The following TNS3 variants were observed in gnomAD, a reference collection of about 807,000 sequenced individuals.
TNS3 encodes tensin 3.
Under a neutral mutation model 140.9 loss-of-function variants are expected in TNS3, and 45 were observed. The ratio of observed to expected loss-of-function variants is 0.32; its 90% CI spans 0.25 to 0.41. The LOEUF (loss-of-function observed/expected upper bound fraction) is 0.41. Among genes scored for constraint, TNS3 ranks in the 10% least tolerant of loss-of-function variants. TNS3 has a pLI of 1.00. For missense variants in TNS3, 1,716 were observed against 1,906.7 expected, an observed-to-expected ratio of 0.90 and a Z score of 1.86; for synonymous variants, 815 against 788.4, an observed-to-expected ratio of 1.03 and a Z score of -0.56.
intron 5 of TNS3, among the ~76,000 whole-genome samples, chr7:47,440,480 C>T (rs964954016): frequency 3.3e-5 from 5 of 152,156 alleles, no homozygotes; most frequent in Non-Finnish European, 7.4e-5. Flanking sequence ...GAGATGAAGA[C>T]TGTGGAGGAG....
chr7:47,278,431 C>T (rs1483266771), intron 30 of TNS3: 3 of 575,852 alleles, frequency 5.2e-6, no homozygotes, highest in Non-Finnish European at 9.1e-6. Context: ...TCTAGCTCTG[C>T]AGTGAGGACC....
chr7:47,469,973 C>CAAAAAAAAAAAAAAAAAAAAAA lies in TNS3; in HGVS notation c.-76+11108_-76+11129dup, dbSNP rs144012426. On this transcript the variant is annotated intron_variant, in intron 4 of 30. Transcript: ENST00000311160. Reference sequence around the variant, plus strand: ...TGGGCAACAGAATGAAACTCTGTCTCAAAAAAAAAAAAAAAAAAAAAAAAT... The same window carrying CAAAAAAAAAAAAAAAAAAAAAA: ...TGGGCAACAGAATGAAACTCTGTCTCAAAAAAAAAAAAAAAAAAAAAAAAAAAAAAAAAAAAAAAAAAAAAAT... Among the ~76,000 whole-genome samples the CAAAAAAAAAAAAAAAAAAAAAA allele has an allele frequency of 3.1e-5, 2 of 64,904 alleles. 1 individual carries two copies. Among genetic ancestry groups the CAAAAAAAAAAAAAAAAAAAAAA allele is most frequent in the Non-Finnish European group, 5.1e-5 (2 of 39,406 alleles). The allele number at this position is 64,904 out of a possible 152,430, so 42.6% of individuals were successfully genotyped here.
At chr7:47,455,509 G>A (rs531686716) in intron 4 of TNS3, among the ~76,000 whole-genome samples, 12 of 152,262 alleles carry the variant, frequency 7.9e-5, no homozygotes, top group African/African-American at 2.2e-4. Flanking sequence ...GAGCAGCCCT[G>A]CTTCCCTTTC....
At chr7:47,370,266 C>T (rs1182092452) in intron 16 of TNS3, among the ~76,000 whole-genome samples, 2 of 151,348 alleles carry the variant, frequency 1.3e-5, no homozygotes, top group African/African-American at 4.9e-5. Flanking sequence ...GGCAAGAGAG[C>T]AAGACTCCGT....
rs1795229394 is a variant in TNS3 at position 47,437,284 on chromosome 7, G to A, written c.180C>T (p.Asp60=). The A allele has an allele frequency of 6.4e-7, 1 of 1,552,938 alleles. No homozygotes were observed. Among genetic ancestry groups the A allele is most frequent in the Non-Finnish European group, 8.6e-7 (1 of 1,156,882 alleles). The change falls in exon 7 of 31, where the codon GAC becomes GAT. Residue 60 remains aspartate (D), a synonymous_variant. Transcript: ENST00000311160. ...LVLNLSEKRY[D]LTKLNPKIMD... is the part of the protein sequence containing the mutation. ...GTACCTTTGGGTTAAGCTTCGTAAG[G>A]TCATATCTCTTTTCTGAAAGGTTTA...
At chr7:47,444,260 A>G (rs1304836354) in intron 4 of TNS3, among the ~76,000 whole-genome samples, 1 of 152,204 alleles carries the variant, frequency 6.6e-6, no homozygotes, top group Non-Finnish European at 1.5e-5. Context: ...TGTGTCCCAC[A>G]TCTTCACCAG....
chr7:47,540,560 G>C (rs559489743), intron 1 of TNS3, among the ~76,000 whole-genome samples: 1 of 152,148 alleles, frequency 6.6e-6, no homozygotes, highest in South Asian at 2.1e-4. Context: ...CGTGAGCAAC[G>C]TGTGTGCTCG....
At chr7:47,471,635 T>C (rs913669123) in intron 4 of TNS3, among the ~76,000 whole-genome samples, 3 of 152,228 alleles carry the variant, frequency 2.0e-5, no homozygotes, top group Non-Finnish European at 4.4e-5. Flanking sequence ...CACGTTCCAC[T>C]AACATCTTCT....
chr7:47,466,968 G>T (rs751288024), intron 4 of TNS3, among the ~76,000 whole-genome samples: 16 of 152,196 alleles, frequency 1.1e-4, no homozygotes, highest in Non-Finnish European at 1.8e-4. Context: ...ATCCCCCAAA[G>T]GTAACTAGGG....
Position 47,421,803 on chromosome 7 carries a change from A to T in TNS3, c.473+2298T>A, listed in dbSNP as rs200462315. The stretch of plus-strand genomic sequence containing the variant: ...GTCAGCTCCATGGGCCAACTGCTCC[A>T]TGGCGTTTCAGTGTAACAAAGATTG... On this transcript the variant is annotated intron_variant, in intron 10 of 30. Transcript: ENST00000311160. Among the ~76,000 whole-genome samples, 11 of 152,274 alleles carry T rather than the reference A, an allele frequency of 7.2e-5. No homozygotes were observed. In the East Asian group the frequency reaches 1.9e-3, roughly 27 times the overall value.
chr7:47,473,036 C>A (rs1377657879), intron 4 of TNS3, among the ~76,000 whole-genome samples: 27 of 152,168 alleles, frequency 1.8e-4, no homozygotes, highest in Admixed American at 1.8e-3. Context: ...TGAGTGTGAT[C>A]GCCCACGCAG....
chr7:47,355,544 G>A (rs895613027), intron 17 of TNS3, among the ~76,000 whole-genome samples: 3 of 152,174 alleles, frequency 2.0e-5, no homozygotes, highest in African/African-American at 7.2e-5. Flanking sequence ...CCCAGCCTGG[G>A]GGTCAGCACT....
intron 20 of TNS3, among the ~76,000 whole-genome samples, chr7:47,328,540 CAG>C (rs1293439639): frequency 6.6e-5 from 10 of 151,938 alleles, no homozygotes; most frequent in Non-Finnish European, 1.0e-4. Flanking sequence ...ACACTCACAG[CAG>C]AGAGAGGCTT....
intron 4 of TNS3, among the ~76,000 whole-genome samples, chr7:47,456,750 G>A (rs966661694): frequency 7.2e-5 from 11 of 151,958 alleles, no homozygotes; most frequent in Admixed American, 2.0e-4. Context: ...CACAGCCCAC[G>A]AGACATTCGC....
intron 16 of TNS3, among the ~76,000 whole-genome samples, chr7:47,387,558 A>C (rs1445208355): frequency 6.6e-6 from 1 of 152,224 alleles, no homozygotes; most frequent in Admixed American, 6.5e-5. Flanking sequence ...CAAAGGACCC[A>C]AGTCAAAGAG....
At chr7:47,313,950 C>A (rs1340630732) in intron 20 of TNS3, among the ~76,000 whole-genome samples, 2 of 152,158 alleles carry the variant, frequency 1.3e-5, no homozygotes, top group East Asian at 3.9e-4. Context: ...AGGACTTAAC[C>A]CTTTATTTGG....
chr7:47,533,540 C>T (rs758757033), intron 1 of TNS3, among the ~76,000 whole-genome samples: 5 of 151,114 alleles, frequency 3.3e-5, no homozygotes, highest in Non-Finnish European at 5.9e-5. Flanking sequence ...GATCAAAGAA[C>T]ATTACCAAGG....
At chr7:47,450,638 A>T (rs533874947) in intron 4 of TNS3, among the ~76,000 whole-genome samples, 147 of 152,334 alleles carry the variant, frequency 9.6e-4, no homozygotes, top group African/African-American at 3.4e-3. Flanking sequence ...GGGGGCTCTG[A>T]CCACTGGCAG....
Position 47,305,078 on chromosome 7 carries a change from AT to A in TNS3, c.2651-76del, listed in dbSNP as rs200041312. The A allele has an allele frequency of 1.8e-3, 2,086 of 1,190,688 alleles. 31 individuals are homozygous for A. The East Asian group carries it at 0.021, about 12-fold the overall frequency. The allele number at this position is 1,190,688 out of a possible 1,614,324, so 73.8% of individuals were successfully genotyped here. On this transcript the variant is annotated intron_variant, in intron 20 of 30. Coordinates refer to ENST00000311160, the MANE Select transcript of TNS3 (RefSeq NM_022748.12). ...AAGTCATAATCTCTGCTGCTTTTGC[AT>A]GTTCCACAAGAAACAGTGCTGACTT...
Sources: allele counts gnomAD v4.1 joint callset (sites outside exome capture counted in the v4.1 genomes callset), GRCh38; gene constraint gnomAD v4.1.1; transcripts MANE v1.5; gene names NCBI Gene and HGNC (gene_info 2026-07-23, HGNC 2026-07-21).